TRPC7: variants seen among roughly 807,000 people sequenced by gnomAD.
TRPC7 encodes transient receptor potential cation channel subfamily C member 7.
TRPC7 carries 42 observed loss-of-function variants against 90.1 expected under a neutral mutation model. That is an observed-to-expected ratio of 0.47 (90% CI 0.36 to 0.60). The LOEUF (loss-of-function observed/expected upper bound fraction) is 0.60. Among genes scored for constraint, TRPC7 ranks in the 20% least tolerant of loss-of-function variants. The pLI is 0.00. For synonymous variants in TRPC7, 451 were observed against 436.3 expected (o/e 1.03, Z -0.42); for missense variants, 955 against 1,112.3 (o/e 0.86, Z 2.01).
At chr5:136,364,400 T>C (rs1482482618) in intron 1 of TRPC7, among the ~76,000 whole-genome samples, 1 of 152,192 alleles carries the variant, frequency 6.6e-6, no homozygotes, top group Admixed American at 6.5e-5. Context: ...GAGATTGGGT[T>C]TGCATCACAT....
At chr5:136,261,108 G>C (rs959546389) in intron 5 of TRPC7, among the ~76,000 whole-genome samples, 2 of 152,170 alleles carry the variant, frequency 1.3e-5, no homozygotes, top group Non-Finnish European at 2.9e-5. Context: ...TGAGCAGAGA[G>C]TGAATCACAT....
intron 2 of TRPC7, among the ~76,000 whole-genome samples, chr5:136,352,408 T>A (rs1760220631): frequency 6.6e-6 from 1 of 152,080 alleles, no homozygotes; most frequent in Non-Finnish European, 1.5e-5. Context: ...GCCCAGGAAT[T>A]TGACTGGGAA....
chr5:136,348,552 C>T (rs1276176338), intron 2 of TRPC7, among the ~76,000 whole-genome samples: 1 of 152,206 alleles, frequency 6.6e-6, no homozygotes, highest in Non-Finnish European at 1.5e-5. Flanking sequence ...ATGGAGGACA[C>T]CTATCTTCTC....
chr5:136,292,171 A>C (rs1757981402), intron 3 of TRPC7, among the ~76,000 whole-genome samples: 1 of 152,262 alleles, frequency 6.6e-6, no homozygotes, highest in South Asian at 2.1e-4. Context: ...ATAGCACTAA[A>C]TGCCCAAAAG....
chr5:136,330,079 G>A (rs2149845942), intron 2 of TRPC7, among the ~76,000 whole-genome samples: 1 of 152,288 alleles, frequency 6.6e-6, no homozygotes, highest in Non-Finnish European at 1.5e-5. Flanking sequence ...GGACATGTGA[G>A]TTGAAAGAGA....
At chr5:136,267,598 CACA>C (rs1370801244) in intron 4 of TRPC7, among the ~76,000 whole-genome samples, 3 of 152,164 alleles carry the variant, frequency 2.0e-5, no homozygotes, top group Non-Finnish European at 2.9e-5. Context: ...ATATGTTCAG[CACA>C]ACATTTATAA....
intron 3 of TRPC7, among the ~76,000 whole-genome samples, chr5:136,285,888 G>T (rs1701822194): frequency 6.6e-6 from 1 of 152,108 alleles, no homozygotes; most frequent in African/African-American, 2.4e-5. Flanking sequence ...TGACAACCCT[G>T]CCCAAAGTAG....
chr5:136,287,687 C>CAAAAAAAAAAAAAA (rs767031610), intron 3 of TRPC7, among the ~76,000 whole-genome samples: 18 of 59,518 alleles, frequency 3.0e-4, no homozygotes, highest in Non-Finnish European at 4.4e-4. Context: ...AGTGGATGCT[C>CAAAAAAAAAAAAAA]AAAAAAAAAA....
intron 3 of TRPC7, among the ~76,000 whole-genome samples, chr5:136,303,201 T>A (rs1304842976): frequency 1.3e-5 from 2 of 152,174 alleles, no homozygotes; most frequent in Non-Finnish European, 2.9e-5. Flanking sequence ...AGGCTCTTTT[T>A]CATCAAATAT....
rs1297559138 is a variant in TRPC7 at position 136,356,498 on chromosome 5, T to C, written c.780+110A>G. 2.0e-5 allele frequency: 24 copies of C among 1,174,954 alleles called. No individual in the cohort carries two copies. The South Asian group carries it at 3.3e-4, about 16-fold the overall frequency. 72.8% of individuals were successfully genotyped at this position (1,174,954 alleles called of 1,614,324 possible). ...CCTCCCCTGGGCCTGCTCAGTAAGATCCTGAAGCTTCCCTCTTTCTTAGAT... is the reference window on the plus strand; with the variant it reads ...CCTCCCCTGGGCCTGCTCAGTAAGACCCTGAAGCTTCCCTCTTTCTTAGAT... On this transcript the variant is annotated intron_variant, in intron 2 of 11. Transcript: ENST00000513104.
chr5:136,276,951 A>G, intron 3 of TRPC7, among the ~76,000 whole-genome samples: 1 of 152,246 alleles, frequency 6.6e-6, no homozygotes. Flanking sequence ...CCTGCTTTGC[A>G]GAAACTCGTA....
At position 136,241,078 on chromosome 5, in the gene TRPC7, T is replaced by C. The variant is rs143717636; in HGVS notation, c.1844+6393A>G. On this transcript the variant is annotated intron_variant, in intron 7 of 11. Transcript: ENST00000513104. ...AGCTGGAAGGGGAATCTGGCTTCTCTATGGCAAGGACAAGTTGGGTGGGGC... is the reference window on the plus strand; with the variant it reads ...AGCTGGAAGGGGAATCTGGCTTCTCCATGGCAAGGACAAGTTGGGTGGGGC... Among the ~76,000 whole-genome samples the C allele has an allele frequency of 8.9e-4, 136 of 152,234 alleles. 1 individual carries two copies. Among genetic ancestry groups the C allele is most frequent in the Non-Finnish European group, 1.7e-3 (113 of 68,016 alleles).
chr5:136,236,160 C>T (rs909165962), intron 7 of TRPC7, among the ~76,000 whole-genome samples: 2 of 152,106 alleles, frequency 1.3e-5, no homozygotes, highest in African/African-American at 4.8e-5. Context: ...ACACAGGTGC[C>T]CAGATCAAAT....
intron 2 of TRPC7, among the ~76,000 whole-genome samples, chr5:136,335,266 A>G (rs1489119433): frequency 6.6e-6 from 1 of 152,116 alleles, no homozygotes; most frequent in Non-Finnish European, 1.5e-5. Flanking sequence ...CTACCCTGGT[A>G]AGTCCTGCAG....
intron 2 of TRPC7, among the ~76,000 whole-genome samples, chr5:136,341,908 C>T (rs1301896463): frequency 6.6e-6 from 1 of 152,116 alleles, no homozygotes; most frequent in Non-Finnish European, 1.5e-5. Context: ...CATATCTGGG[C>T]CATGTTGCTG....
intron 4 of TRPC7, among the ~76,000 whole-genome samples, chr5:136,274,393 G>A (rs1000612184): frequency 1.3e-5 from 2 of 151,952 alleles, no homozygotes; most frequent in African/African-American, 4.8e-5. Flanking sequence ...AAGAAGAAAA[G>A]TGTCTTTATT....
chr5:136,241,863 C>T (rs1339273590), intron 7 of TRPC7, among the ~76,000 whole-genome samples: 1 of 152,134 alleles, frequency 6.6e-6, no homozygotes, highest in Non-Finnish European at 1.5e-5. Context: ...GCCTAGGCAC[C>T]CTTTTTCTAT....
intron 2 of TRPC7, among the ~76,000 whole-genome samples, chr5:136,324,647 T>A (rs1759291875): frequency 6.6e-6 from 1 of 152,212 alleles, no homozygotes; most frequent in Non-Finnish European, 1.5e-5. Context: ...CCTTTAACTT[T>A]TGATGATAGG....
At chr5:136,318,921 T>C (rs1425243247) in intron 2 of TRPC7, among the ~76,000 whole-genome samples, 1 of 152,188 alleles carries the variant, frequency 6.6e-6, no homozygotes, top group Non-Finnish European at 1.5e-5. Flanking sequence ...AATGGTCTCT[T>C]GTCCTTCTTT....
Sources: allele counts gnomAD v4.1 joint callset (sites outside exome capture counted in the v4.1 genomes callset), GRCh38; gene constraint gnomAD v4.1.1; transcripts MANE v1.5; gene names NCBI Gene and HGNC (gene_info 2026-07-23, HGNC 2026-07-21).